ATP5F1A: variants seen among roughly 807,000 people sequenced by gnomAD.
The protein encoded by ATP5F1A is ATP synthase F(1) complex subunit alpha, mitochondrial.
Under a neutral mutation model 57.4 loss-of-function variants are expected in ATP5F1A, and 24 were observed. That is an observed-to-expected ratio of 0.42 (90% CI 0.30 to 0.59). The LOEUF is 0.59. ATP5F1A is among the 20% of genes least tolerant of loss of function. ATP5F1A has a pLI of 0.19. For missense variants in ATP5F1A, 494 were observed against 707.9 expected (o/e 0.70, Z 3.43); for synonymous variants, 251 against 255.5 (o/e 0.98, Z 0.17).
At chr18:46,094,186 C>CACACACACACACAT (rs140950200) in intron 2 of ATP5F1A, among the ~76,000 whole-genome samples, 2,622 of 151,050 alleles carry the variant, frequency 0.017, 31 homozygotes, top group East Asian at 0.03. Context: ...CACACACACA[C>CACACACACACACAT]ATATACACAC....
chr18:46,091,716 G>C lies in ATP5F1A; in HGVS notation c.275C>G (p.Ala92Gly). ...TGAAGAAAACTCTACCATTTCTTCT[G>C]CTTGAACATTCCTCAGCCCATGTAC... is the stretch of plus-strand genomic sequence containing the variant. ...ARVHGLRNVQ[A>G]EEMVEFSSGL... Residue 92 changes from alanine (A) to glycine (G), a missense_variant, in exon 3 of 12, where the codon GCA becomes GGA. Ala to Gly is a moderately conservative substitution (Grantham distance 60). Transcript: ENST00000398752. The C allele has an allele frequency of 1.2e-6, 2 of 1,610,588 alleles. No homozygotes were observed.
intron 1 of ATP5F1A, among the ~76,000 whole-genome samples, chr18:46,103,342 T>G (rs1306041503): frequency 6.6e-6 from 1 of 151,920 alleles, no homozygotes; most frequent in Non-Finnish European, 1.5e-5. Flanking sequence ...GCGCAGTGCC[T>G]GTAATCCCAG....
Position 46,087,446 on chromosome 18 carries a change from A to G in ATP5F1A, c.846T>C (p.Ala282=), listed in dbSNP as rs200369148. ...TIVVSATASD[A]APLQYLAPYS... ...AAGGAGCCAGGTACTGAAGTGGGGCAGCATCCGAGGCCGTAGCCGACACCA... is the reference window on the plus strand; with the variant it reads ...AAGGAGCCAGGTACTGAAGTGGGGCGGCATCCGAGGCCGTAGCCGACACCA... Residue 282 remains alanine (A), a synonymous_variant, in exon 7 of 12, where the codon GCT becomes GCC. Transcript: ENST00000398752. The G allele has an allele frequency of 9.9e-6, 16 of 1,614,240 alleles. No individual in the cohort carries two copies. In the African/African-American group the frequency reaches 2.0e-4, roughly 20 times the overall value.
upstream of ATP5F1A, among the ~76,000 whole-genome samples, chr18:46,098,599 G>C (rs558205999): frequency 6.6e-6 from 1 of 152,136 alleles, no homozygotes; most frequent in South Asian, 2.1e-4. Flanking sequence ...TCTGGTGCTA[G>C]AGGATGAGGG....
intron 8 of ATP5F1A, 61 bp from the exon 9 acceptor site, chr18:46,086,555 A>C: frequency 6.8e-7 from 1 of 1,477,374 alleles, no homozygotes; most frequent in Non-Finnish European, 9.2e-7. Flanking sequence ...CTATCTTCAA[A>C]TTTAAGTCAT....
chr18:46,095,612 G>GGCT (rs551268013), intron 1 of ATP5F1A, among the ~76,000 whole-genome samples: 131 of 151,670 alleles, frequency 8.6e-4, no homozygotes, highest in African/African-American at 3.1e-3. Context: ...CACCGCACCC[G>GGCT]GCTTATTTTT....
chr18:46,089,360 C>T (rs1222264228), intron 5 of ATP5F1A: 7 of 586,502 alleles, frequency 1.2e-5, no homozygotes, highest in Admixed American at 3.3e-5. Context: ...CATGCTCTAC[C>T]GACTGAGCTA....
In ATP5F1A at chr18:46,082,225, T is replaced by C. The variant is rs1374672828; in HGVS notation, c.*2057A>G. The C allele has an allele frequency of 1.8e-5, 2 of 110,402 alleles. No homozygotes were observed. Among genetic ancestry groups the C allele is most frequent in the African/African-American group, 3.4e-5 (1 of 29,468 alleles). The allele number at this position is 110,402 out of a possible 1,614,324, so 6.8% of individuals were successfully genotyped here. On this transcript the variant is annotated 3_prime_UTR_variant, in exon 12 of 12. Transcript: ENST00000398752. ...GGTGAAACCCCGTCTCTACTAAAAA[T>C]ACAAAAAAAAAAAAATTAGCTGGGC...
upstream of ATP5F1A, among the ~76,000 whole-genome samples, chr18:46,101,070 T>G (rs1911261451): frequency 6.6e-6 from 1 of 152,008 alleles, no homozygotes; most frequent in Non-Finnish European, 1.5e-5. Context: ...AGACTCCATC[T>G]CAAAACAAAC....
chr18:46,095,775 C>T (rs1910902067), intron 1 of ATP5F1A, among the ~76,000 whole-genome samples: 1 of 152,018 alleles, frequency 6.6e-6, no homozygotes, highest in Non-Finnish European at 1.5e-5. Flanking sequence ...CGCCACCTGG[C>T]CAGGCTAATT....
intron 3 of ATP5F1A, among the ~76,000 whole-genome samples, chr18:46,091,199 A>G (rs1033128261): frequency 1.3e-5 from 2 of 152,114 alleles, no homozygotes; most frequent in South Asian, 4.1e-4. Context: ...TATTTCTCAT[A>G]CCCTGACAGA....
In ATP5F1A at chr18:46,083,486, A is replaced by G. The variant is rs1277832782; in HGVS notation, c.*796T>C. On this transcript the variant is annotated 3_prime_UTR_variant, in exon 12 of 12. Coordinates refer to ENST00000398752, the MANE Select transcript of ATP5F1A (RefSeq NM_004046.6). The stretch of plus-strand genomic sequence containing the variant: ...TTGACAAGTTTTCATAATCCTATGC[A>G]TTCTATCTTCTCAGCTTTTGTTCCA... 2.0e-5 allele frequency: 3 copies of G among 152,192 alleles called. No individual in the cohort carries two copies. Among genetic ancestry groups the G allele is most frequent in the Non-Finnish European group, 4.4e-5 (3 of 68,050 alleles). 9.4% of individuals were successfully genotyped at this position (152,192 alleles called of 1,614,324 possible). A position where few individuals can be genotyped will look rare whatever the true frequency, so the allele number is the denominator to read the frequency against.
At chr18:46,091,574 C>T (rs1310972757) in intron 3 of ATP5F1A, 108 bp downstream of exon 3, 4 of 1,210,050 alleles carry the variant, frequency 3.3e-6, no homozygotes, top group Non-Finnish European at 3.4e-6. Flanking sequence ...AAATCTGAGG[C>T]AAATTAAGAC....
chr18:46,093,999 C>T (rs918243807), intron 2 of ATP5F1A, among the ~76,000 whole-genome samples: 2 of 150,714 alleles, frequency 1.3e-5, no homozygotes, highest in African/African-American at 2.4e-5. Flanking sequence ...CCCACCTACT[C>T]GGGAGGCTGA....
intron 3 of ATP5F1A, 23 bp downstream of exon 3, chr18:46,091,659 C>G: frequency 6.4e-7 from 1 of 1,552,506 alleles, no homozygotes; most frequent in Non-Finnish European, 8.7e-7. Flanking sequence ...CCTAAAACAC[C>G]AAAATCTTAT....
At chr18:46,086,796 T>C (rs1049072458) in intron 8 of ATP5F1A, 4 of 628,556 alleles carry the variant, frequency 6.4e-6, no homozygotes, top group Non-Finnish European at 1.1e-5. Context: ...AAAATGAAAC[T>C]AGAACGAAAC....
At chr18:46,096,481 CAAA>C (rs1444343371) in intron 1 of ATP5F1A, among the ~76,000 whole-genome samples, 2 of 46,836 alleles carry the variant, frequency 4.3e-5, no homozygotes, top group African/African-American at 8.3e-5. Flanking sequence ...GCCTGGGCGA[CAAA>C]AGCAAAACTC....
upstream of ATP5F1A, among the ~76,000 whole-genome samples, chr18:46,099,611 T>C (rs1411559751): frequency 6.6e-6 from 1 of 152,080 alleles, no homozygotes; most frequent in African/African-American, 2.4e-5. Flanking sequence ...CTGGCTAATT[T>C]TTTTGTAAAG....
chr18:46,092,916 A>T (rs1910670106), intron 2 of ATP5F1A, among the ~76,000 whole-genome samples: 1 of 151,772 alleles, frequency 6.6e-6, no homozygotes, highest in Non-Finnish European at 1.5e-5. Flanking sequence ...GGGATGCCAA[A>T]GGGGGTGGAT....
Sources: allele counts gnomAD v4.1 joint callset (sites outside exome capture counted in the v4.1 genomes callset), GRCh38; gene constraint gnomAD v4.1.1; transcripts MANE v1.5; gene names NCBI Gene and HGNC (gene_info 2026-07-23, HGNC 2026-07-21).